Variants in TULP2 observed in about 807,000 individuals in gnomAD.
TULP2 encodes the protein tubby-related protein 2.
TULP2 carries 64 observed loss-of-function variants against 60.3 expected under a neutral mutation model. The ratio of observed to expected loss-of-function variants is 1.06; its 90% CI spans 0.87 to 1.31. The LOEUF is 1.31. Ranked by LOEUF, TULP2 falls within the 50% of genes most tolerant of loss-of-function variation. The pLI, the probability that TULP2 is intolerant of heterozygous loss-of-function variation, is 0.00. For missense variants in TULP2, 652 were observed against 667.0 expected (o/e 0.98, Z 0.25); for synonymous variants, 267 against 265.4 (o/e 1.01, Z -0.06).
At chr19:48,883,289 C>T (rs190443946) in intron 11 of TULP2, among the ~76,000 whole-genome samples, 1 of 151,600 alleles carries the variant, frequency 6.6e-6, no homozygotes, top group Non-Finnish European at 1.5e-5. Context: ...GAATTGCCCA[C>T]CCCTTTCCCA....
chr19:48,885,586 A>C, intron 8 of TULP2, 26 bp from the exon 9 acceptor site: 1 of 1,590,672 alleles, frequency 6.3e-7, no homozygotes, highest in Non-Finnish European at 8.6e-7. Flanking sequence ...ACAGTCCATT[A>C]GAATGGACTT....
At chr19:48,887,908 G>A in intron 8 of TULP2, 42 bp downstream of exon 8, 1 of 1,579,060 alleles carries the variant, frequency 6.3e-7, no homozygotes, top group South Asian at 1.2e-5. Flanking sequence ...TGCCTGGGAG[G>A]TGGGGGCTTA....
At chr19:48,890,737 G>C (rs867281802) in intron 6 of TULP2, among the ~76,000 whole-genome samples, 1 of 152,094 alleles carries the variant, frequency 6.6e-6, no homozygotes, top group Non-Finnish European at 1.5e-5. Context: ...GCCCTCACTT[G>C]CAACAACCTC....
chr19:48,897,987 A>AT lies in TULP2; in HGVS notation c.-1-119_-1-118insA. On this transcript the variant is annotated intron_variant, in intron 1 of 12. Coordinates refer to ENST00000221399, the MANE Select transcript of TULP2 (RefSeq NM_003323.3). This position sits in a 1 kb window ranked among gnomAD's most constrained non-coding sequence, Gnocchi z 4.0. The stretch of plus-strand genomic sequence containing the variant: ...TATTTATTTATTTATTTATGTATTT[A>AT]GAGACAGCTGAGCCTCGCTCTGTCG... 7.1e-6 allele frequency: 6 copies of AT among 841,900 alleles called. No individual in the cohort carries two copies. Among genetic ancestry groups the AT allele is most frequent in the Middle Eastern group, 4.0e-4 (1 of 2,494 alleles). 52.2% of individuals were successfully genotyped at this position (841,900 alleles called of 1,614,324 possible). A position where few individuals can be genotyped will look rare whatever the true frequency, so the allele number is the denominator to read the frequency against.
intron 8 of TULP2, among the ~76,000 whole-genome samples, chr19:48,887,274 G>GTGCTAGGAT (rs2123274005): frequency 7.5e-6 from 1 of 132,462 alleles, no homozygotes; most frequent in East Asian, 2.5e-4. Context: ...GCCTCCCAAA[G>GTGCTAGGAT]TGCTAGGATT....
chr19:48,893,070 C>T (rs2037248219), intron 6 of TULP2, among the ~76,000 whole-genome samples: 2 of 151,830 alleles, frequency 1.3e-5, no homozygotes, highest in Admixed American at 1.3e-4. Context: ...TAGTGACACA[C>T]CATCTCAAAG....
chr19:48,885,762 A>C, intron 8 of TULP2, among the ~76,000 whole-genome samples: 1 of 151,486 alleles, frequency 6.6e-6, no homozygotes, highest in Middle Eastern at 3.5e-3. Flanking sequence ...GTGCGTGCCT[A>C]TAGTCCCAGC....
Position 48,889,513 on chromosome 19 carries a change from T to C in TULP2, c.633A>G (p.Gln211=). 1 of 1,569,338 alleles carries C rather than the reference T, an allele frequency of 6.4e-7. No individual in the cohort carries two copies. Among genetic ancestry groups the C allele is most frequent in the Non-Finnish European group, 8.7e-7 (1 of 1,145,970 alleles). Residue 211 remains glutamine, a synonymous_variant, in exon 7 of 13, where the codon CAA becomes CAG. Transcript: ENST00000221399. ...GAGTGATTGTGCATTTTCCTACCTT[T>C]TGGAAGGCCAAGTTTTCATATACAC... ...GDCVYENLAF[Q]KEEDLEKKRE...
In TULP2 at chr19:48,897,415, C is replaced by T. The variant is rs372256109; in HGVS notation, c.33-19G>A. The stretch of plus-strand genomic sequence containing the variant: ...CAGGATGCTGAGAGAGACACAGGCC[C>T]ATGGTGACAGTGCACAGGGAACCTC... On this transcript the variant is annotated intron_variant, in intron 2 of 12. Coordinates refer to ENST00000221399, the MANE Select transcript of TULP2 (RefSeq NM_003323.3). The surrounding 1 kb of genome is among the most constrained non-coding windows in gnomAD (Gnocchi z 4.0). 6.8e-5 allele frequency: 110 copies of T among 1,613,164 alleles called. No individual in the cohort carries two copies. The African/African-American group carries it at 1.4e-3, about 20-fold the overall frequency.
Position 48,897,314 on chromosome 19 carries a change from G to C in TULP2, c.84+31C>G. 1 of 1,612,318 alleles carries C rather than the reference G, an allele frequency of 6.2e-7. No individual in the cohort carries two copies. Among genetic ancestry groups the C allele is most frequent in the Non-Finnish European group, 8.5e-7 (1 of 1,179,080 alleles). ...CTGGGGAGGCACAGAAGGCGGAAGA[G>C]TTGGAGTGGTGAGATTCCTGGGCAC... On this transcript the variant is annotated intron_variant, in intron 3 of 12. Transcript: ENST00000221399. This position sits in a 1 kb window ranked among gnomAD's most constrained non-coding sequence, Gnocchi z 4.0.
In TULP2 at chr19:48,892,035, T is replaced by C. The variant is rs2037237701; in HGVS notation, c.515-2404A>G. ...AGCCATAAGGTGGTTTTCTCCTATCTCAGAATAGAATGTATGGTCGGTTTT... is the reference window on the plus strand; with the variant it reads ...AGCCATAAGGTGGTTTTCTCCTATCCCAGAATAGAATGTATGGTCGGTTTT... On this transcript the variant is annotated intron_variant, in intron 6 of 12. Coordinates refer to ENST00000221399, the MANE Select transcript of TULP2 (RefSeq NM_003323.3). Among the ~76,000 whole-genome samples the C allele has an allele frequency of 1.3e-5, 2 of 152,224 alleles. 1 individual carries two copies. The highest frequency in any genetic ancestry group is 4.1e-4 in the South Asian group (2 of 4,834).
rs1162441517 is a variant in TULP2, at chr19:48,889,602, G to A, written c.544C>T (p.Gln182Ter). ...GACTTGTGTGCATCTCCCATATCCT[G>A]GGAGTCACTCTCACCCTCTGCACGG... ...GTRAEGESDS[Q>*]DMGDAHKSPN... The change falls in exon 7 of 13, where the codon CAG (glutamine) becomes TAG (stop). Residue 182 changes from glutamine to a stop codon, truncating the protein, a stop_gained. Coordinates refer to ENST00000221399, the MANE Select transcript of TULP2 (RefSeq NM_003323.3). LOFTEE classifies it high-confidence loss of function. The A allele has an allele frequency of 1.3e-6, 2 of 1,584,998 alleles. No individual in the cohort carries two copies. Among genetic ancestry groups the A allele is most frequent in the Non-Finnish European group, 1.7e-6 (2 of 1,156,756 alleles).
chr19:48,884,301 T>A (rs185848906), intron 9 of TULP2, among the ~76,000 whole-genome samples: 1 of 151,650 alleles, frequency 6.6e-6, no homozygotes, highest in East Asian at 1.9e-4. Flanking sequence ...AAAAATTAGT[T>A]GGGCGTGGCA....
chr19:48,896,553 G>A lies in TULP2; in HGVS notation c.88C>T (p.Arg30Trp), dbSNP rs575577268. ...TGTCGCTGCTTCTTTTCAAACAGCC[G>A]CCGCTGGGGAGATGGGAGAGGTGGG... ...MRLQKLEQQRRLFEKKQRQKR... is the reference protein window; with the variant it reads ...MRLQKLEQQRWLFEKKQRQKR... Residue 30 changes from arginine (R) to tryptophan (W), a missense_variant, in exon 4 of 13, where the codon CGG becomes TGG. Arg to Trp is a moderately radical substitution (Grantham distance 101, BLOSUM62 -3). Coordinates refer to ENST00000221399, the MANE Select transcript of TULP2 (RefSeq NM_003323.3). The A allele has an allele frequency of 5.6e-6, 9 of 1,597,026 alleles. No homozygotes were observed. The African/African-American group carries it at 9.4e-5, about 17-fold the overall frequency.
In TULP2 at chr19:48,897,389, C is replaced by G; in HGVS notation, c.40G>C (p.Gly14Arg). Reference protein sequence around the residue: ...DNDTLMRDILGHELAAMRLQK... With the variant: ...DNDTLMRDILRHELAAMRLQK... ...AGCCTCATAGCAGCGAGCTCATGCC[C>G]CAGGATGCTGAGAGAGACACAGGCC... Residue 14 changes from glycine to arginine, a missense_variant, in exon 3 of 13, where the codon GGG (glycine) becomes CGG (arginine). Physicochemically the swap from Gly to Arg is moderately radical, Grantham distance 125. Transcript: ENST00000221399. The surrounding 1 kb of genome is among the most constrained non-coding windows in gnomAD (Gnocchi z 4.0). 1 of 1,613,660 alleles carries G rather than the reference C, an allele frequency of 6.2e-7. No individual in the cohort carries two copies. The highest frequency in any genetic ancestry group is 1.1e-5 in the South Asian group (1 of 90,960).
chr19:48,896,649 G>A (rs2037285413), intron 3 of TULP2, 93 bp from the exon 4 acceptor site: 1 of 1,419,906 alleles, frequency 7.0e-7, no homozygotes, highest in Non-Finnish European at 9.3e-7. Context: ...GCATCGGCGC[G>A]AGAGTTCGTG....
chr19:48,890,927 T>G (rs919214705), intron 6 of TULP2, among the ~76,000 whole-genome samples: 10 of 151,834 alleles, frequency 6.6e-5, no homozygotes, highest in African/African-American at 1.9e-4. Flanking sequence ...TCATTGGCCA[T>G]CTCATGAAAA....
chr19:48,888,743 T>G (rs1315492436), intron 7 of TULP2, among the ~76,000 whole-genome samples: 1 of 151,982 alleles, frequency 6.6e-6, no homozygotes, highest in Non-Finnish European at 1.5e-5. Flanking sequence ...TGCCTCAGCC[T>G]CCCAAGTAGC....
At chr19:48,888,685 G>A (rs997796802) in intron 7 of TULP2, among the ~76,000 whole-genome samples, 3 of 151,950 alleles carry the variant, frequency 2.0e-5, no homozygotes, top group African/African-American at 7.3e-5. Context: ...GCAGTGACTC[G>A]ATCTCGGTTC....
Sources: gnomAD v4.1 joint callset for allele counts (sites outside exome capture counted in the v4.1 genomes callset) on GRCh38, gnomAD v4.1.1 for gene constraint, Gnocchi (gnomAD v3.1) non-coding constraint, MANE v1.5 for transcripts, NCBI Gene and HGNC (gene_info 2026-07-23, HGNC 2026-07-21) for gene names.